The following SLC39A12 variants were observed in gnomAD, a reference collection of about 807,000 sequenced individuals.
SLC39A12 encodes the protein zinc transporter ZIP12.
A neutral mutation model predicts 71.1 loss-of-function variants in SLC39A12; 63 were observed. The observed-to-expected ratio is 0.89, with a 90% CI of 0.72 to 1.09. The LOEUF (loss-of-function observed/expected upper bound fraction) is 1.09. Among genes scored for constraint, SLC39A12 ranks in the 50% least tolerant of loss-of-function variants. The probability of loss-of-function intolerance (pLI) is 0.00; values close to 1 mark genes in which losing one functional copy is unlikely to be tolerated. For synonymous variants in SLC39A12, 351 were observed against 301.3 expected (o/e 1.16, Z -1.71); for missense variants, 892 against 812.6 (o/e 1.10, Z -1.19).
chr10:18,015,650 A>G (rs199659092), intron 12 of SLC39A12, among the ~76,000 whole-genome samples: 1 of 132,096 alleles, frequency 7.6e-6, no homozygotes, highest in Admixed American at 7.4e-5. Context: ...TTTTAAAAAA[A>G]TTTTTAGAGT....
intron 4 of SLC39A12, among the ~76,000 whole-genome samples, chr10:17,973,038 C>T (rs1471847960): frequency 6.6e-6 from 1 of 152,000 alleles, no homozygotes; most frequent in Middle Eastern, 3.2e-3. Context: ...TTTGCAAATA[C>T]TATCTTATAA....
At chr10:18,002,373 G>C (rs1423165402) in intron 11 of SLC39A12, 1 of 152,246 alleles carries the variant, frequency 6.6e-6, no homozygotes, top group Non-Finnish European at 1.5e-5. Flanking sequence ...ACCTGGTCTG[G>C]AAGCCATCCC....
intron 2 of SLC39A12, among the ~76,000 whole-genome samples, chr10:17,956,826 T>C (rs1193942863): frequency 6.6e-6 from 1 of 152,200 alleles, no homozygotes; most frequent in Non-Finnish European, 1.5e-5. Flanking sequence ...TCTTATTATC[T>C]AACAATTTCA....
At position 17,965,610 on chromosome 10, in the gene SLC39A12, A is replaced by G. The variant is rs757157119; in HGVS notation, c.671A>G (p.Gln224Arg). The change falls in exon 4 of 13, where the codon CAA (glutamine) becomes CGA (arginine). Residue 224 changes from glutamine (Q) to arginine (R), a missense_variant. By Grantham distance (43) the Gln-to-Arg change is conservative. Transcript: ENST00000377369. ...TLSLQGVCLG[Q>R]GNLPSPDYFT... ...TCCCTCCAGGGTGTTTGTCTGGGACAAGGAAACTTGCCTTCCCCAGACTAC... is the reference window on the plus strand; with the variant it reads ...TCCCTCCAGGGTGTTTGTCTGGGACGAGGAAACTTGCCTTCCCCAGACTAC... 14 of 1,614,216 alleles carry G rather than the reference A, an allele frequency of 8.7e-6. No homozygotes were observed. Among genetic ancestry groups the G allele is most frequent in the Admixed American group, 1.7e-5 (1 of 60,032 alleles).
chr10:18,036,805 T>TA (rs1837061793), intron 12 of SLC39A12, among the ~76,000 whole-genome samples: 1 of 119,778 alleles, frequency 8.3e-6, no homozygotes, highest in Non-Finnish European at 1.7e-5. Context: ...TTTTTTTTTT[T>TA]AATGGAATCT....
intron 12 of SLC39A12, among the ~76,000 whole-genome samples, chr10:18,034,464 T>A (rs1344838738): frequency 6.6e-6 from 1 of 152,192 alleles, no homozygotes; most frequent in Admixed American, 6.5e-5. Context: ...AGACTAGGAT[T>A]GCAACCCCTG....
At chr10:18,001,694 G>A (rs1835838005) in intron 11 of SLC39A12, 1 of 151,940 alleles carries the variant, frequency 6.6e-6, no homozygotes, top group Non-Finnish European at 1.5e-5. Context: ...TAATTTTTGT[G>A]GGTACATAGT....
chr10:18,015,815 G>C (rs76410020), intron 12 of SLC39A12, among the ~76,000 whole-genome samples: 14,298 of 151,506 alleles, frequency 0.094, 892 homozygotes, highest in Non-Finnish European at 0.14. Context: ...ATGGTGGCCA[G>C]TAGTCACATG....
intron 10 of SLC39A12, 126 bp from the exon 11 acceptor site, chr10:18,000,541 A>T (rs1835803087): frequency 1.2e-6 from 1 of 867,988 alleles, no homozygotes. Flanking sequence ...AAACAAAGTG[A>T]TGTTATTTAA....
chr10:17,959,639 G>T (rs1314485068), intron 2 of SLC39A12, among the ~76,000 whole-genome samples: 2 of 152,072 alleles, frequency 1.3e-5, no homozygotes, highest in African/African-American at 4.8e-5. Context: ...TATGTCGTGG[G>T]GCTGCTTCTC....
Position 18,008,254 on chromosome 10 carries a change from T to C in SLC39A12, c.1947+4896T>C, listed in dbSNP as rs556804801. Among the ~76,000 whole-genome samples the C allele has an allele frequency of 5.3e-5, 8 of 152,264 alleles. No homozygotes were observed. In the South Asian group the frequency reaches 1.7e-3, roughly 32 times the overall value. On this transcript the variant is annotated intron_variant, in intron 12 of 12. Transcript: ENST00000377369. ...CACCTGAGCTCCGCCTCCTGTCAGATCAGCGGGGGCATTAGGTTCTCACAG... is the reference window on the plus strand; with the variant it reads ...CACCTGAGCTCCGCCTCCTGTCAGACCAGCGGGGGCATTAGGTTCTCACAG...
chr10:18,005,190 A>C (rs1421365251), intron 12 of SLC39A12, among the ~76,000 whole-genome samples: 1 of 152,048 alleles, frequency 6.6e-6, no homozygotes, highest in Non-Finnish European at 1.5e-5. Flanking sequence ...TTACCTATTT[A>C]ACAAACCTGC....
intron 4 of SLC39A12, among the ~76,000 whole-genome samples, chr10:17,967,886 CAAA>C (rs1175508363): frequency 0.016 from 2,060 of 131,396 alleles, 45 homozygotes; most frequent in African/African-American, 0.049. Flanking sequence ...GACTCCGCCT[CAAA>C]AAAAAAAAAA....
At chr10:18,004,344 G>A (rs940791800) in intron 12 of SLC39A12, 1 of 152,124 alleles carries the variant, frequency 6.6e-6, no homozygotes, top group African/African-American at 2.4e-5. Flanking sequence ...AAATAACCTT[G>A]AAGGTAATAT....
At chr10:18,035,008 G>A (rs1177073750) in intron 12 of SLC39A12, among the ~76,000 whole-genome samples, 16 of 150,104 alleles carry the variant, frequency 1.1e-4, no homozygotes, top group African/African-American at 2.2e-4. Flanking sequence ...GGTTTCTGCC[G>A]AGAGATCCGC....
At chr10:17,967,560 T>C (rs1834858661) in intron 4 of SLC39A12, among the ~76,000 whole-genome samples, 1 of 152,146 alleles carries the variant, frequency 6.6e-6, no homozygotes, top group Admixed American at 6.6e-5. Flanking sequence ...CCATGCATCC[T>C]TCAAAACAGA....
At chr10:18,035,931 C>CT (rs1836993975) in intron 12 of SLC39A12, among the ~76,000 whole-genome samples, 1 of 152,162 alleles carries the variant, frequency 6.6e-6, no homozygotes, top group Admixed American at 6.5e-5. Context: ...TGTGCCCCTG[C>CT]TGGGGGGTGC....
At position 18,042,827 on chromosome 10, in the gene SLC39A12, A is replaced by T. The variant is rs753315347; in HGVS notation, c.2070A>T (p.Lys690Asn). Residue 690 changes from lysine to asparagine, a missense_variant, in exon 13 of 13, where the codon AAA (lysine) becomes AAT (asparagine). Transcript: ENST00000377369. ...LLLAIYEQNIKI is the reference protein window; with the variant it reads ...LLLAIYEQNINI ...TGGCTATATATGAGCAAAATATTAA[A>T]ATATAAGTGAGGATCTTCAACATCT... is the stretch of plus-strand genomic sequence containing the variant. The T allele has an allele frequency of 6.2e-7, 1 of 1,604,136 alleles. No homozygotes were observed. Among genetic ancestry groups the T allele is most frequent in the Non-Finnish European group, 8.5e-7 (1 of 1,176,542 alleles).
At chr10:18,008,283 C>T (rs1836092438) in intron 12 of SLC39A12, among the ~76,000 whole-genome samples, 1 of 152,060 alleles carries the variant, frequency 6.6e-6, no homozygotes, top group Non-Finnish European at 1.5e-5. Flanking sequence ...CTCACAGGAG[C>T]GTGAACCTTA....
Sources: allele counts gnomAD v4.1 joint callset (sites outside exome capture counted in the v4.1 genomes callset), GRCh38; gene constraint gnomAD v4.1.1; transcripts MANE v1.5; gene names NCBI Gene and HGNC (gene_info 2026-07-23, HGNC 2026-07-21).